The following VPS13B variants were observed in gnomAD, a reference collection of about 807,000 sequenced individuals.
VPS13B encodes vacuolar protein sorting 13 homolog B.
VPS13B carries 285 observed loss-of-function variants against 426.4 expected under a neutral mutation model. The ratio of observed to expected loss-of-function variants is 0.67; its 90% confidence interval spans 0.61 to 0.74. VPS13B has a LOEUF of 0.74. Among genes scored for constraint, VPS13B ranks in the 30% least tolerant of loss-of-function variants. The pLI, the probability that VPS13B is intolerant of heterozygous loss-of-function variation, is 0.00. For synonymous variants in VPS13B, 1,676 were observed against 1,676.4 expected (o/e 1.00, Z 0.01); for missense variants, 4,537 against 4,782.6 (o/e 0.95, Z 1.51).
chr8:99,490,005 G>A (rs533920908), intron 25 of VPS13B, among the ~76,000 whole-genome samples: 62 of 152,210 alleles, frequency 4.1e-4, no homozygotes, highest in African/African-American at 1.4e-3. Flanking sequence ...AATGCTTCCA[G>A]TTTTTGCCTG....
chr8:99,524,757 C>T (rs563660661), intron 30 of VPS13B, among the ~76,000 whole-genome samples: 197 of 152,244 alleles, frequency 1.3e-3, no homozygotes, highest in African/African-American at 4.2e-3. Context: ...TATACCCCCA[C>T]GCTCCAGCCT....
At chr8:99,287,582 AAT>A (rs1166136083) in intron 19 of VPS13B, among the ~76,000 whole-genome samples, 2 of 152,022 alleles carry the variant, frequency 1.3e-5, no homozygotes, top group African/African-American at 4.8e-5. Context: ...ATATTGTGAA[AAT>A]ATCTATCTGG....
chr8:99,220,632 G>A (rs909733207), intron 17 of VPS13B, among the ~76,000 whole-genome samples: 4 of 152,128 alleles, frequency 2.6e-5, no homozygotes, highest in African/African-American at 9.7e-5. Flanking sequence ...AAGTTATGGA[G>A]TTTTGGGTTA....
chr8:99,295,082 T>C (rs1290744545), intron 19 of VPS13B, among the ~76,000 whole-genome samples: 1 of 152,176 alleles, frequency 6.6e-6, no homozygotes, highest in Non-Finnish European at 1.5e-5. Flanking sequence ...GCTAGTGACA[T>C]ACTGAGATTT....
rs562777012 is a variant in VPS13B, at chr8:99,238,768, A to G, written c.2516-35430A>G. 2.0e-5 allele frequency among the ~76,000 whole-genome samples: 3 copies of G among 152,184 alleles called. No individual in the cohort carries two copies. In the East Asian group the frequency reaches 5.8e-4, roughly 29 times the overall value. On this transcript the variant is annotated intron_variant, in intron 17 of 61. Coordinates refer to ENST00000357162, the MANE Select transcript of VPS13B (RefSeq NM_152564.5). ...AACATGTAATATGCCAACCGGTGGC[A>G]TTTTGCTTCCCTATAATTATTATCA...
At chr8:99,553,642 C>T (rs1302727684) in intron 30 of VPS13B, among the ~76,000 whole-genome samples, 1 of 152,044 alleles carries the variant, frequency 6.6e-6, no homozygotes, top group African/African-American at 2.4e-5. Context: ...TTTCTGCAAG[C>T]TCATGATCAT....
At chr8:99,322,216 T>C (rs770098246) in intron 19 of VPS13B, among the ~76,000 whole-genome samples, 21 of 152,202 alleles carry the variant, frequency 1.4e-4, no homozygotes, top group Non-Finnish European at 2.9e-4. Flanking sequence ...TAGAGCAAAA[T>C]AGCCACCTTT....
At chr8:99,215,500 T>G (rs186212019) in intron 17 of VPS13B, among the ~76,000 whole-genome samples, 65 of 152,228 alleles carry the variant, frequency 4.3e-4, no homozygotes, top group African/African-American at 1.3e-3. Context: ...TTACTAAGAT[T>G]TATTATAGCA....
At chr8:99,298,507 TAATTA>T (rs1820167988) in intron 19 of VPS13B, among the ~76,000 whole-genome samples, 1 of 151,902 alleles carries the variant, frequency 6.6e-6, no homozygotes. Flanking sequence ...ATAAATTAAT[TAATTA>T]AATAAAATAA....
rs1393277480 is a variant in VPS13B at position 99,233,241 on chromosome 8, A to G, written c.2515+40184A>G. On this transcript the variant is annotated intron_variant, in intron 17 of 61. Coordinates refer to ENST00000357162, the MANE Select transcript of VPS13B (RefSeq NM_152564.5). ...CAATGATTTCTGCACTAGTTAAGTTATGCAGTTCATTCACAGTCTTGCCAC... is the reference window on the plus strand; with the variant it reads ...CAATGATTTCTGCACTAGTTAAGTTGTGCAGTTCATTCACAGTCTTGCCAC... 1.5e-5 allele frequency: 18 copies of G among 1,220,330 alleles called. No homozygotes were observed. In the Middle Eastern group the frequency reaches 8.0e-4, roughly 55 times the overall value. The allele number at this position is 1,220,330 out of a possible 1,614,324, so 75.6% of individuals were successfully genotyped here.
intron 33 of VPS13B, among the ~76,000 whole-genome samples, chr8:99,611,488 C>T (rs1193608836): frequency 6.6e-6 from 1 of 151,848 alleles, no homozygotes; most frequent in Non-Finnish European, 1.5e-5. Context: ...TGCATTATCT[C>T]ATTATCTCAT....
intron 60 of VPS13B, 144 bp from the exon 61 acceptor site, chr8:99,871,304 T>C (rs1817399482): frequency 2.4e-6 from 3 of 1,261,916 alleles, no homozygotes; most frequent in Non-Finnish European, 3.4e-6. Flanking sequence ...GAACTGACAA[T>C]TACATTTCAA....
At chr8:99,014,589 G>A (rs892668753) in intron 2 of VPS13B, among the ~76,000 whole-genome samples, 1 of 151,082 alleles carries the variant, frequency 6.6e-6, no homozygotes, top group Non-Finnish European at 1.5e-5. Context: ...AATTCTGTAT[G>A]AGCCTGGAAA....
chr8:99,030,461 AGTGTGTGTGT>A (rs34944940), intron 2 of VPS13B, among the ~76,000 whole-genome samples: 9 of 144,880 alleles, frequency 6.2e-5, no homozygotes, highest in Admixed American at 2.1e-4. Flanking sequence ...TGAGTGAGTG[AGTGTGTGTGT>A]GTGTGTGTGT....
chr8:99,550,331 G>A (rs544135613), intron 30 of VPS13B, among the ~76,000 whole-genome samples: 1 of 151,724 alleles, frequency 6.6e-6, no homozygotes, highest in South Asian at 2.1e-4. Context: ...TGTTATATTT[G>A]GTAGGAGAAA....
chr8:99,573,680 C>T (rs891073015), intron 31 of VPS13B, among the ~76,000 whole-genome samples: 4 of 152,094 alleles, frequency 2.6e-5, no homozygotes. Flanking sequence ...GGTACCAGTA[C>T]CATGCTGTTT....
At chr8:99,813,433 C>T (rs939666829) in intron 44 of VPS13B, among the ~76,000 whole-genome samples, 4 of 152,114 alleles carry the variant, frequency 2.6e-5, no homozygotes, top group Non-Finnish European at 4.4e-5. Context: ...CAGGCTTGGG[C>T]ACATCAAGAA....
chr8:99,727,074 T>G (rs1385005229), intron 39 of VPS13B, among the ~76,000 whole-genome samples: 1 of 152,172 alleles, frequency 6.6e-6, no homozygotes, highest in African/African-American at 2.4e-5. Flanking sequence ...CATTCCCATT[T>G]TACAAGTAGG....
rs1437282953 is a variant in VPS13B, at chr8:99,784,307, T to C, written c.7780-8T>C. Reference sequence around the variant, plus strand: ...TCCATGTTGGCTTTCGTATCCTTTTTCTTTCAGAACAAATGCCCTGAGGTA... The same window carrying C: ...TCCATGTTGGCTTTCGTATCCTTTTCCTTTCAGAACAAATGCCCTGAGGTA... On this transcript the variant is annotated splice_region_variant and splice_polypyrimidine_tract_variant and intron_variant, in intron 42 of 61. Coordinates refer to ENST00000357162, the MANE Select transcript of VPS13B (RefSeq NM_152564.5). 2.5e-6 allele frequency: 4 copies of C among 1,613,500 alleles called. No individual in the cohort carries two copies. Among genetic ancestry groups the C allele is most frequent in the Middle Eastern group, 1.6e-4 (1 of 6,076 alleles).
Sources: gnomAD v4.1 joint callset for allele counts (sites outside exome capture counted in the v4.1 genomes callset) on GRCh38, gnomAD v4.1.1 for gene constraint, MANE v1.5 for transcripts, NCBI Gene and HGNC (gene_info 2026-07-23, HGNC 2026-07-21) for gene names.